Variants in GRIN2B observed in about 807,000 individuals in gnomAD.
GRIN2B encodes glutamate receptor ionotropic, NMDA 2B.
Under a neutral mutation model 114.5 loss-of-function variants are expected in GRIN2B, and 5 were observed. The ratio of observed to expected loss-of-function variants is 0.04; its 90% CI spans 0.02 to 0.09. GRIN2B has a LOEUF of 0.09. GRIN2B is among the 10% of genes least tolerant of loss of function. GRIN2B has a pLI of 1.00. For synonymous variants in GRIN2B, 787 were observed against 745.1 expected (o/e 1.06, Z -0.92); for missense variants, 1,108 against 1,943.5 (o/e 0.57, Z 8.08).
intron 4 of GRIN2B, among the ~76,000 whole-genome samples, chr12:13,738,138 G>A (rs1863217900): frequency 3.2e-5 from 1 of 31,426 alleles, no homozygotes; most frequent in South Asian, 2.0e-3. Flanking sequence ...TTCTTACCTT[G>A]GCACTTACCC....
At chr12:13,725,753 G>T (rs1862973870) in intron 4 of GRIN2B, among the ~76,000 whole-genome samples, 1 of 152,106 alleles carries the variant, frequency 6.6e-6, no homozygotes, top group East Asian at 1.9e-4. Flanking sequence ...AGGGAAGAGG[G>T]CCCAGGGTTT....
At chr12:13,657,162 G>A (rs554459928) in intron 5 of GRIN2B, among the ~76,000 whole-genome samples, 1 of 152,250 alleles carries the variant, frequency 6.6e-6, no homozygotes, top group South Asian at 2.1e-4. Flanking sequence ...TTATCTTCAG[G>A]ATTGAAAAAG....
intron 2 of GRIN2B, among the ~76,000 whole-genome samples, chr12:13,883,346 C>T (rs1266318461): frequency 6.6e-6 from 1 of 152,174 alleles, no homozygotes; most frequent in Non-Finnish European, 1.5e-5. Context: ...TCCAAAGTGA[C>T]TATCCCATTT....
chr12:13,846,568 C>T (rs960193213), intron 3 of GRIN2B, among the ~76,000 whole-genome samples: 13 of 152,176 alleles, frequency 8.5e-5, no homozygotes, highest in African/African-American at 3.1e-4. Context: ...GACTCCACCA[C>T]CATTTAGCTC....
intron 10 of GRIN2B, among the ~76,000 whole-genome samples, chr12:13,584,509 CT>C (rs1408353380): frequency 2.0e-5 from 3 of 152,214 alleles, no homozygotes; most frequent in African/African-American, 7.2e-5. Context: ...CACTATTTAG[CT>C]GTTGATACAT....
chr12:13,630,149 AAC>A (rs1202074027), intron 5 of GRIN2B, among the ~76,000 whole-genome samples: 1 of 152,204 alleles, frequency 6.6e-6, no homozygotes, highest in African/African-American at 2.4e-5. Context: ...ATGTTAGCTA[AAC>A]ACATAACAGC....
intron 3 of GRIN2B, among the ~76,000 whole-genome samples, chr12:13,809,128 T>A (rs986550368): frequency 6.6e-6 from 1 of 152,280 alleles, no homozygotes; most frequent in East Asian, 1.9e-4. Flanking sequence ...ACCCTATAGA[T>A]GCCAGTATCA....
intron 2 of GRIN2B, among the ~76,000 whole-genome samples, chr12:13,922,312 C>T (rs1866838037): frequency 6.6e-6 from 1 of 152,164 alleles, no homozygotes; most frequent in South Asian, 2.1e-4. Context: ...CCCTGGGTGT[C>T]TGAGCTCAAA....
At chr12:13,737,171 C>T (rs533897646) in intron 4 of GRIN2B, among the ~76,000 whole-genome samples, 61 of 152,052 alleles carry the variant, frequency 4.0e-4, no homozygotes, top group Middle Eastern at 3.4e-3. Context: ...CCTCATATTA[C>T]ACTTATGGGG....
At chr12:13,746,058 A>G (rs773289685) in intron 4 of GRIN2B, among the ~76,000 whole-genome samples, 1 of 150,990 alleles carries the variant, frequency 6.6e-6, no homozygotes, top group Non-Finnish European at 1.5e-5. Context: ...TTTATACAGT[A>G]TATCAGATAT....
At chr12:13,869,248 T>G (rs905844295) in intron 2 of GRIN2B, among the ~76,000 whole-genome samples, 10 of 149,304 alleles carry the variant, frequency 6.7e-5, no homozygotes, top group Non-Finnish European at 1.0e-4. Context: ...TTTCTTTTTT[T>G]TTTTTTTTTT....
chr12:13,575,758 G>A (rs1194846314), intron 10 of GRIN2B, among the ~76,000 whole-genome samples: 2 of 151,980 alleles, frequency 1.3e-5, no homozygotes, highest in Non-Finnish European at 2.9e-5. Flanking sequence ...TGGTTTGGAG[G>A]CAGAGAATTT....
intron 4 of GRIN2B, among the ~76,000 whole-genome samples, chr12:13,678,097 T>A (rs1221535776): frequency 6.6e-6 from 1 of 152,142 alleles, no homozygotes; most frequent in African/African-American, 2.4e-5. Context: ...AGAGATTCAC[T>A]TTTTATCTAT....
chr12:13,749,904 G>A (rs1232336067), intron 4 of GRIN2B, among the ~76,000 whole-genome samples: 1 of 152,200 alleles, frequency 6.6e-6, no homozygotes, highest in African/African-American at 2.4e-5. Context: ...AGAAGAAGAT[G>A]TATTTGGATG....
chr12:13,946,094 G>A (rs1020653414), intron 2 of GRIN2B, among the ~76,000 whole-genome samples: 2 of 152,158 alleles, frequency 1.3e-5, no homozygotes, highest in African/African-American at 2.4e-5. Flanking sequence ...ACAGTCCAGT[G>A]TTGAAGTTAG....
intron 2 of GRIN2B, chr12:13,977,223 T>C (rs1408576322): frequency 6.6e-6 from 1 of 152,166 alleles, no homozygotes; most frequent in Non-Finnish European, 1.5e-5. Flanking sequence ...CTGGCAAAAA[T>C]TGCATATATA....
intron 3 of GRIN2B, among the ~76,000 whole-genome samples, chr12:13,777,498 A>G (rs528314424): frequency 2.0e-5 from 3 of 152,310 alleles, no homozygotes; most frequent in Admixed American, 1.3e-4. Flanking sequence ...ACTGCACTGA[A>G]GTATTCCGCA....
intron 2 of GRIN2B, among the ~76,000 whole-genome samples, chr12:13,917,367 G>A (rs560910312): frequency 1.6e-4 from 24 of 152,302 alleles, no homozygotes; most frequent in African/African-American, 3.4e-4. Flanking sequence ...CTATCCATAC[G>A]ATGGTGACGC....
rs961592909 is a variant in GRIN2B at position 13,572,997 on chromosome 12, T to C, written c.2011-1033A>G. Among the ~76,000 whole-genome samples, 4 of 125,436 alleles carry C rather than the reference T, an allele frequency of 3.2e-5. 1 individual carries two copies. The highest frequency in any genetic ancestry group is 1.3e-4 in the African/African-American group (4 of 31,786). The allele number at this position is 125,436 out of a possible 152,430, so 82.3% of individuals were successfully genotyped here. On this transcript the variant is annotated intron_variant, in intron 10 of 13. Coordinates refer to ENST00000609686, the MANE Select transcript of GRIN2B (RefSeq NM_000834.5). ...CATCATTAAGAGTTTAAACTCTAGA[T>C]TGAAACAGATACGGATTGAAGACCA...
Sources: gnomAD v4.1 joint callset for allele counts (sites outside exome capture counted in the v4.1 genomes callset) on GRCh38, gnomAD v4.1.1 for gene constraint, MANE v1.5 for transcripts, NCBI Gene and HGNC (gene_info 2026-07-23, HGNC 2026-07-21) for gene names.